PPP2R3C: variants seen among roughly 807,000 people sequenced by gnomAD.
The protein encoded by PPP2R3C is serine/threonine-protein phosphatase 2A regulatory subunit B'' subunit gamma.
PPP2R3C carries 47 observed loss-of-function variants against 63.7 expected under a neutral mutation model. The observed-to-expected ratio is 0.74, with a 90% CI of 0.58 to 0.94. The LOEUF is 0.94. Among genes scored for constraint, PPP2R3C ranks in the 40% least tolerant of loss-of-function variants. PPP2R3C has a pLI of 0.00. For missense variants in PPP2R3C, 421 were observed against 518.4 expected (o/e 0.81, Z 1.82); for synonymous variants, 180 against 177.4 (o/e 1.01, Z -0.12).
At chr14:35,092,190 TC>T (rs1199216998) in intron 10 of PPP2R3C, among the ~76,000 whole-genome samples, 1 of 152,046 alleles carries the variant, frequency 6.6e-6, no homozygotes, top group Non-Finnish European at 1.5e-5. Flanking sequence ...CACTACAGCC[TC>T]CGAGGCAGCT....
At chr14:35,095,296 T>A in intron 9 of PPP2R3C, 112 bp from the exon 10 acceptor site, 2 of 1,084,990 alleles carry the variant, frequency 1.8e-6, no homozygotes, top group Non-Finnish European at 2.7e-6. Flanking sequence ...AAACTATTCA[T>A]GTTATGATTA....
chr14:35,091,811 C>T (rs2045828626), intron 10 of PPP2R3C, among the ~76,000 whole-genome samples: 1 of 152,020 alleles, frequency 6.6e-6, no homozygotes, highest in South Asian at 2.1e-4. Flanking sequence ...ACCTCTGCCT[C>T]CCAGGTTCAA....
intron 6 of PPP2R3C, chr14:35,100,138 G>A (rs1054007674): frequency 7.5e-4 from 111 of 147,550 alleles, no homozygotes; most frequent in African/African-American, 2.7e-3. Flanking sequence ...CTCTCAAAGA[G>A]CTTCCACTCT....
At chr14:35,116,018 T>C (rs1198389897) in intron 2 of PPP2R3C, among the ~76,000 whole-genome samples, 3 of 152,096 alleles carry the variant, frequency 2.0e-5, no homozygotes, top group Non-Finnish European at 4.4e-5. Flanking sequence ...CCTGATAACA[T>C]AATCCAATAG....
At chr14:35,090,850 G>A (rs1035818239) in intron 11 of PPP2R3C, among the ~76,000 whole-genome samples, 4 of 151,786 alleles carry the variant, frequency 2.6e-5, no homozygotes, top group African/African-American at 9.7e-5. Context: ...CAAATAGCTG[G>A]TACTACAGGC....
Position 35,095,045 on chromosome 14 carries a change from T to C in PPP2R3C, c.975+3A>G. On this transcript the variant is annotated splice_donor_region_variant and intron_variant, in intron 10 of 12. Coordinates refer to ENST00000261475, the MANE Select transcript of PPP2R3C (RefSeq NM_017917.4). ...AAACTTAGCAGCAGATTTAAACTAC[T>C]ACCATTTCTCCATCATAAGTGAGAC... 2 of 1,602,654 alleles carry C rather than the reference T, an allele frequency of 1.2e-6. No homozygotes were observed. Among genetic ancestry groups the C allele is most frequent in the Non-Finnish European group, 1.7e-6 (2 of 1,169,826 alleles).
At chr14:35,099,113 T>TA (rs2046102779) in intron 7 of PPP2R3C, 139 bp downstream of exon 7, 3 of 1,141,980 alleles carry the variant, frequency 2.6e-6, no homozygotes, top group Non-Finnish European at 3.5e-6. Flanking sequence ...TCTACCTTTT[T>TA]ATCTCCTTGA....
chr14:35,109,240 A>G (rs1324329188), intron 4 of PPP2R3C, among the ~76,000 whole-genome samples: 4 of 151,860 alleles, frequency 2.6e-5, no homozygotes, highest in Admixed American at 6.6e-5. Context: ...TATTTTTAGT[A>G]GAGACGGGGT....
chr14:35,115,396 T>A (rs2046681163), intron 2 of PPP2R3C, among the ~76,000 whole-genome samples: 1 of 151,804 alleles, frequency 6.6e-6, no homozygotes, highest in Non-Finnish European at 1.5e-5. Flanking sequence ...TGGCCTCAAG[T>A]GATCCTCCTG....
intron 7 of PPP2R3C, 88 bp from the exon 8 acceptor site, chr14:35,096,852 A>G (rs943670153): frequency 4.3e-6 from 5 of 1,168,648 alleles, no homozygotes; most frequent in Non-Finnish European, 5.9e-6. Flanking sequence ...AACAAGAGCA[A>G]TCACACAATT....
intron 1 of PPP2R3C, among the ~76,000 whole-genome samples, chr14:35,119,065 T>C (rs540794427): frequency 6.8e-6 from 1 of 147,554 alleles, no homozygotes; most frequent in East Asian, 2.0e-4. Context: ...TGAGATGTAG[T>C]CTCGTTCTAT....
chr14:35,091,274 T>C (rs2045807451), intron 10 of PPP2R3C, 67 bp from the exon 11 acceptor site: 15 of 1,414,220 alleles, frequency 1.1e-5, no homozygotes, highest in Non-Finnish European at 1.1e-5. Context: ...GAATATCTTA[T>C]GATTTGAAGC....
At chr14:35,102,078 G>A (rs1448345699) in intron 6 of PPP2R3C, 1 of 148,402 alleles carries the variant, frequency 6.7e-6, no homozygotes, top group East Asian at 2.0e-4. Flanking sequence ...CCAGGCTGGA[G>A]TGCAGTGGCG....
intron 10 of PPP2R3C, among the ~76,000 whole-genome samples, chr14:35,094,143 C>G (rs1474583022): frequency 6.6e-6 from 1 of 152,058 alleles, no homozygotes; most frequent in African/African-American, 2.4e-5. Flanking sequence ...ACGGAACTAT[C>G]TAGCTGAAAA....
In PPP2R3C at chr14:35,109,851, C is replaced by T; in HGVS notation, c.372G>A (p.Leu124=). The T allele has an allele frequency of 6.2e-7, 1 of 1,608,080 alleles. No individual in the cohort carries two copies. Among genetic ancestry groups the T allele is most frequent in the Non-Finnish European group, 8.5e-7 (1 of 1,174,810 alleles). Residue 124 remains leucine (L), a synonymous_variant, in exon 4 of 13, where the codon TTG becomes TTA. Transcript: ENST00000261475. ...EEAMINYENF[L]KVGEKAGAKC... ...TTGCTCCAGCCTTTTCACCAACCTT[C>T]AAAAAGTTTTCGTAATTGATCATCG...
intron 2 of PPP2R3C, among the ~76,000 whole-genome samples, chr14:35,111,312 C>T (rs2046555482): frequency 6.6e-6 from 1 of 150,478 alleles, no homozygotes; most frequent in Non-Finnish European, 1.5e-5. Context: ...ATTTCAAAAC[C>T]ACCTTTGCAA....
At position 35,093,783 on chromosome 14, in the gene PPP2R3C, C is replaced by T. The variant is rs2138623543; in HGVS notation, c.975+1265G>A. 2.6e-5 allele frequency among the ~76,000 whole-genome samples: 4 copies of T among 152,198 alleles called. 1 individual carries two copies. In the Middle Eastern group the frequency reaches 0.014, roughly 518 times the overall value. On this transcript the variant is annotated intron_variant, in intron 10 of 12. Transcript: ENST00000261475. ...CATTCTGCCTCAGCCTCTGGAGTAGCTGGGACTACAGGTGCCCGTCACCGC... is the reference window on the plus strand; with the variant it reads ...CATTCTGCCTCAGCCTCTGGAGTAGTTGGGACTACAGGTGCCCGTCACCGC...
intron 1 of PPP2R3C, among the ~76,000 whole-genome samples, chr14:35,118,175 G>T (rs189648108): frequency 1.2e-4 from 19 of 152,272 alleles, no homozygotes; most frequent in African/African-American, 4.6e-4. Context: ...GACGAGTACA[G>T]ATTTAACCAA....
chr14:35,097,614 C>G (rs1302077289), intron 7 of PPP2R3C, among the ~76,000 whole-genome samples: 2 of 151,678 alleles, frequency 1.3e-5, no homozygotes, highest in Admixed American at 1.3e-4. Flanking sequence ...TCCTAAGTAG[C>G]TGGGAATACA....
Sources: gnomAD v4.1 joint callset for allele counts (sites outside exome capture counted in the v4.1 genomes callset) on GRCh38, gnomAD v4.1.1 for gene constraint, MANE v1.5 for transcripts, NCBI Gene and HGNC (gene_info 2026-07-23, HGNC 2026-07-21) for gene names.